TOP1: variants seen among roughly 807,000 people sequenced by gnomAD.
The protein encoded by TOP1 is DNA topoisomerase 1.
A neutral mutation model predicts 111.1 loss-of-function variants in TOP1; 10 were observed. That is an observed-to-expected ratio of 0.09 (90% CI 0.06 to 0.15). TOP1 has a LOEUF of 0.15. Ranked by LOEUF, TOP1 falls within the 10% of genes least tolerant of loss-of-function variation. TOP1 has a pLI of 1.00. For missense variants in TOP1, 474 were observed against 926.7 expected (o/e 0.51, Z 6.34); for synonymous variants, 271 against 302.9 (o/e 0.89, Z 1.10).
chr20:41,090,965 T>G (rs1304080190), intron 8 of TOP1, among the ~76,000 whole-genome samples: 1 of 152,228 alleles, frequency 6.6e-6, no homozygotes, highest in Non-Finnish European at 1.5e-5. Flanking sequence ...AATTAATTTT[T>G]GTGTATAATG....
At position 41,046,439 on chromosome 20, in the gene TOP1, A is replaced by G. The variant is rs2033335263; in HGVS notation, c.59-14955A>G. Among the ~76,000 whole-genome samples, 1 of 152,222 alleles carries G rather than the reference A, an allele frequency of 6.6e-6. No individual in the cohort carries two copies. The highest frequency in any genetic ancestry group is 6.5e-5 in the Admixed American group (1 of 15,272). On this transcript the variant is annotated intron_variant, in intron 2 of 20. Coordinates refer to ENST00000361337, the MANE Select transcript of TOP1 (RefSeq NM_003286.4). The surrounding 1 kb of genome is among the most constrained non-coding windows in gnomAD (Gnocchi z 4.3). ...CCTGGGGTGACTTAGTTGCCTCCTG[A>G]GAATTCTGGGCTGTGGTGGAATTAC...
At chr20:41,075,993 A>G (rs530099352) in intron 3 of TOP1, among the ~76,000 whole-genome samples, 178 bp from the exon 4 acceptor site, 57 of 152,326 alleles carry the variant, frequency 3.7e-4, no homozygotes, top group Admixed American at 7.2e-4. Context: ...TGCAAAAATA[A>G]AAACATCAAA....
chr20:41,100,377 T>A lies in TOP1; in HGVS notation c.1163+134T>A. 1 of 655,624 alleles carries A rather than the reference T, an allele frequency of 1.5e-6. No homozygotes were observed. The highest frequency in any genetic ancestry group is 2.5e-6 in the Non-Finnish European group (1 of 405,412). The allele number at this position is 655,624 out of a possible 1,614,324, so 40.6% of individuals were successfully genotyped here. A position where few individuals can be genotyped will look rare whatever the true frequency, so the allele number is the denominator to read the frequency against. On this transcript the variant is annotated intron_variant, in intron 12 of 20. Coordinates refer to ENST00000361337, the MANE Select transcript of TOP1 (RefSeq NM_003286.4). This position sits in a 1 kb window ranked among gnomAD's most constrained non-coding sequence, Gnocchi z 4.4. The stretch of plus-strand genomic sequence containing the variant: ...TAAGAGCAGGACAGTATTTCATGCG[T>A]AGGTCTCCAGATGTTTTTGAGGTAC...
At chr20:41,059,859 A>G (rs2033524168) in intron 2 of TOP1, among the ~76,000 whole-genome samples, 1 of 152,240 alleles carries the variant, frequency 6.6e-6, no homozygotes, top group African/African-American at 2.4e-5. Context: ...AAGAAGACCA[A>G]GAAAGATTTG....
intron 2 of TOP1, among the ~76,000 whole-genome samples, chr20:41,041,869 GGT>G (rs1191310092): frequency 6.7e-6 from 1 of 150,092 alleles, no homozygotes; most frequent in Non-Finnish European, 1.5e-5. Context: ...CACAGGTTAA[GGT>G]ATAAAGCTTA....
chr20:41,102,878 A>C lies in TOP1; in HGVS notation c.1308+1525A>C, dbSNP rs1167998819. Among the ~76,000 whole-genome samples the C allele has an allele frequency of 6.6e-6, 1 of 152,210 alleles. No individual in the cohort carries two copies. The highest frequency in any genetic ancestry group is 1.5e-5 in the Non-Finnish European group (1 of 68,046). ...AGATAAAAGTAAAATGCATTAGATA[A>C]ACAGAGGAGTTATTTGCAGCACCTT... On this transcript the variant is annotated intron_variant, in intron 13 of 20. Coordinates refer to ENST00000361337, the MANE Select transcript of TOP1 (RefSeq NM_003286.4). The surrounding 1 kb of genome is among the most constrained non-coding windows in gnomAD (Gnocchi z 4.0).
At chr20:41,111,599 C>G (rs2034242105) in intron 13 of TOP1, among the ~76,000 whole-genome samples, 1 of 124,518 alleles carries the variant, frequency 8.0e-6, no homozygotes, top group Non-Finnish European at 1.7e-5. Flanking sequence ...CACCCCCCGC[C>G]CCCTTTTTTT....
In TOP1 at chr20:41,058,143, C is replaced by T. The variant is rs192632564; in HGVS notation, c.59-3251C>T. Among the ~76,000 whole-genome samples the T allele has an allele frequency of 1.8e-4, 27 of 152,280 alleles. No individual in the cohort carries two copies. The South Asian group carries it at 2.3e-3, about 13-fold the overall frequency. On this transcript the variant is annotated intron_variant, in intron 2 of 20. Transcript: ENST00000361337. The surrounding 1 kb of genome is among the most constrained non-coding windows in gnomAD (Gnocchi z 4.2). ...TCTTACAGTTAGTACTACGGTCATG[C>T]AGATTTCTATTTTCCCAGGGCCTGA...
rs181755655 is a variant in TOP1 at position 41,089,996 on chromosome 20, T to C, written c.615-2476T>C. Reference sequence around the variant, plus strand: ...CACGTGTTTTTTTTTGTTTTTGAGATGGAGTCTTGCTCTGTCGCCCAGGCT... The same window carrying C: ...CACGTGTTTTTTTTTGTTTTTGAGACGGAGTCTTGCTCTGTCGCCCAGGCT... On this transcript the variant is annotated intron_variant, in intron 8 of 20. Transcript: ENST00000361337. Among the ~76,000 whole-genome samples, 821 of 152,202 alleles carry C rather than the reference T, an allele frequency of 5.4e-3. 3 individuals are homozygous for C. The highest frequency in any genetic ancestry group is 8.6e-3 in the Non-Finnish European group (583 of 67,986).
In TOP1 at chr20:41,100,966, T is replaced by A. The variant is rs2145952729; in HGVS notation, c.1164-243T>A. ...GGGACTACAAGAGATTTCATCATGC[T>A]CCTCAGAATGATGTGCAATTTAAAA... On this transcript the variant is annotated intron_variant, in intron 12 of 20. Coordinates refer to ENST00000361337, the MANE Select transcript of TOP1 (RefSeq NM_003286.4). The surrounding 1 kb of genome is among the most constrained non-coding windows in gnomAD (Gnocchi z 4.4). Among the ~76,000 whole-genome samples, 1 of 152,358 alleles carries A rather than the reference T, an allele frequency of 6.6e-6. No individual in the cohort carries two copies. The highest frequency in any genetic ancestry group is 1.5e-5 in the Non-Finnish European group (1 of 68,036).
At chr20:41,047,147 G>T (rs747925758) in intron 2 of TOP1, among the ~76,000 whole-genome samples, 2 of 152,186 alleles carry the variant, frequency 1.3e-5, no homozygotes, top group Non-Finnish European at 2.9e-5. Flanking sequence ...TAGTACTAGC[G>T]CAGTGTTCTG....
At chr20:41,113,083 CCTTA>C (rs1330031315) in intron 14 of TOP1, among the ~76,000 whole-genome samples, 158 bp downstream of exon 14, 1 of 152,150 alleles carries the variant, frequency 6.6e-6, no homozygotes, top group Non-Finnish European at 1.5e-5. Flanking sequence ...CAATGCTTAG[CCTTA>C]CTGTGAGCAG....
At chr20:41,091,735 T>G (rs552941129) in intron 8 of TOP1, among the ~76,000 whole-genome samples, 115 of 152,076 alleles carry the variant, frequency 7.6e-4, no homozygotes, top group Non-Finnish European at 9.3e-4. Context: ...TTTTGTATTT[T>G]TAGTAGAGAC....
rs1034751497 is a variant in TOP1, at chr20:41,118,429, T to C, written c.1950+133T>C. 1.0e-6 allele frequency: 1 copy of C among 1,000,918 alleles called. No homozygotes were observed. The highest frequency in any genetic ancestry group is 1.5e-6 in the Non-Finnish European group (1 of 679,562). 62.0% of individuals were successfully genotyped at this position (1,000,918 alleles called of 1,614,324 possible). A position where few individuals can be genotyped will look rare whatever the true frequency, so the allele number is the denominator to read the frequency against. ...AAGGTCTATGCTAAAGATAAACAAA[T>C]GGAAATATGATAGTAGTTAATCTCT... On this transcript the variant is annotated intron_variant, in intron 18 of 20. Coordinates refer to ENST00000361337, the MANE Select transcript of TOP1 (RefSeq NM_003286.4). The surrounding 1 kb of genome is among the most constrained non-coding windows in gnomAD (Gnocchi z 4.6).
Position 41,106,778 on chromosome 20 carries a change from G to A in TOP1, c.1308+5425G>A, listed in dbSNP as rs2034153117. 6.6e-6 allele frequency among the ~76,000 whole-genome samples: 1 copy of A among 151,932 alleles called. No individual in the cohort carries two copies. The highest frequency in any genetic ancestry group is 2.1e-4 in the South Asian group (1 of 4,834). On this transcript the variant is annotated intron_variant, in intron 13 of 20. Coordinates refer to ENST00000361337, the MANE Select transcript of TOP1 (RefSeq NM_003286.4). The surrounding 1 kb of genome is among the most constrained non-coding windows in gnomAD (Gnocchi z 4.3). ...ACAAGAGGTGCTCAGAGTTGTTCAG[G>A]GTTGCTGAACTCTTAGTTCTAAAAG... is the stretch of plus-strand genomic sequence containing the variant.
At chr20:41,075,393 A>G (rs1009268907) in intron 3 of TOP1, among the ~76,000 whole-genome samples, 3 of 152,152 alleles carry the variant, frequency 2.0e-5, no homozygotes, top group Admixed American at 2.0e-4. Context: ...GGATGGTCTC[A>G]GTCTCCTGAC....
intron 7 of TOP1, among the ~76,000 whole-genome samples, chr20:41,081,914 C>G (rs1215484569): frequency 2.0e-5 from 3 of 152,232 alleles, no homozygotes; most frequent in African/African-American, 7.2e-5. Context: ...CCTCAAAAAA[C>G]TCAGTTCCGT....
intron 6 of TOP1, 104 bp from the exon 7 acceptor site, chr20:41,081,061 G>GATT (rs1364270396): frequency 1.0e-6 from 1 of 957,624 alleles, no homozygotes. Context: ...GAATAACAGT[G>GATT]ATTACTCTTG....
Position 41,118,079 on chromosome 20 carries a change from AT to A in TOP1, c.1823-89del. Reference sequence around the variant, plus strand: ...GAGTAAGATAAGAGCCAGCAAAATCATGGGGACGAGGCACTGGGGGAAGACA... The same window carrying A: ...GAGTAAGATAAGAGCCAGCAAAATCAGGGGACGAGGCACTGGGGGAAGACA... On this transcript the variant is annotated intron_variant, in intron 17 of 20. Coordinates refer to ENST00000361337, the MANE Select transcript of TOP1 (RefSeq NM_003286.4). The surrounding 1 kb of genome is among the most constrained non-coding windows in gnomAD (Gnocchi z 4.6). The A allele has an allele frequency of 1.4e-6, 2 of 1,413,430 alleles. No individual in the cohort carries two copies. Among genetic ancestry groups the A allele is most frequent in the African/African-American group, 2.9e-5 (2 of 70,070 alleles). The allele number at this position is 1,413,430 out of a possible 1,614,324, so 87.6% of individuals were successfully genotyped here. A position where few individuals can be genotyped will look rare whatever the true frequency, so the allele number is the denominator to read the frequency against.
Sources: allele counts gnomAD v4.1 joint callset (sites outside exome capture counted in the v4.1 genomes callset), GRCh38; gene constraint gnomAD v4.1.1; non-coding constraint Gnocchi (gnomAD v3.1); transcripts MANE v1.5; gene names NCBI Gene and HGNC (gene_info 2026-07-23, HGNC 2026-07-21).